WIPI2: variants seen among roughly 807,000 people sequenced by gnomAD.
WIPI2 encodes WD repeat domain, phosphoinositide interacting 2.
A neutral mutation model predicts 52.3 loss-of-function variants in WIPI2; 28 were observed. The ratio of observed to expected loss-of-function variants is 0.54; its 90% CI spans 0.40 to 0.73. The LOEUF (loss-of-function observed/expected upper bound fraction) is 0.73, where lower values mean the gene tolerates loss of function less well. Ranked by LOEUF, WIPI2 falls within the 30% of genes least tolerant of loss-of-function variation. The probability of loss-of-function intolerance (pLI) is 0.00; values close to 1 mark genes in which losing one functional copy is unlikely to be tolerated. For missense variants in WIPI2, 506 were observed against 602.9 expected (o/e 0.84, Z 1.68); for synonymous variants, 268 against 245.0 (o/e 1.09, Z -0.88).
chr7:5,190,367 C>A lies in WIPI2; in HGVS notation c.-53C>A, dbSNP rs932431860. 7.8e-7 allele frequency: 1 copy of A among 1,276,340 alleles called. No homozygotes were observed. Among genetic ancestry groups the A allele is most frequent in the East Asian group, 3.4e-5 (1 of 29,608 alleles). The allele number at this position is 1,276,340 out of a possible 1,614,324, so 79.1% of individuals were successfully genotyped here. ...CGCCGACCCTGAGTGCAGCCTGACC[C>A]GCCCTCGCGCGCGCGCCCTCCCCGG... On this transcript the variant is annotated 5_prime_UTR_variant, in exon 1 of 13. Transcript: ENST00000288828.
chr7:5,214,701 G>C lies in WIPI2; in HGVS notation c.378G>C (p.Arg126Ser). The change falls in exon 4 of 13, where the codon AGG (arginine) becomes AGC (serine). Residue 126 changes from arginine to serine, a missense_variant. This residue lies in a region of WIPI2 where 237 missense variants were observed against 346.9 expected (regional missense o/e 0.68). Transcript: ENST00000288828. Reference sequence around the variant, plus strand: ...CGATTCTGGCTGTGAAGCTCAACAGGCAGGTGAGCGCTGCCCCAGCTGGGT... The same window carrying C: ...CGATTCTGGCTGTGAAGCTCAACAGCCAGGTGAGCGCTGCCCCAGCTGGGT... The part of the protein sequence containing the change: ...SNTILAVKLN[R>S]QRLIVCLEES... The C allele has an allele frequency of 6.2e-7, 1 of 1,613,816 alleles. No homozygotes were observed. Among genetic ancestry groups the C allele is most frequent in the Non-Finnish European group, 8.5e-7 (1 of 1,180,032 alleles).
At chr7:5,219,218 G>A (rs906480376) in intron 7 of WIPI2, among the ~76,000 whole-genome samples, 1 of 150,464 alleles carries the variant, frequency 6.6e-6, no homozygotes, top group South Asian at 2.1e-4. Context: ...AGGTTAAGCG[G>A]TGTGCCCGGG....
chr7:5,204,516 T>C lies in WIPI2; in HGVS notation c.211+4858T>C, dbSNP rs1423451085. Among the ~76,000 whole-genome samples, 3 of 152,296 alleles carry C rather than the reference T, an allele frequency of 2.0e-5. No individual in the cohort carries two copies. The East Asian group carries it at 5.8e-4, about 29-fold the overall frequency. Reference sequence around the variant, plus strand: ...TGTAATAGAAAAATATTAGAGCATCTTGAAATAATACATTAGAAAAATGGC... The same window carrying C: ...TGTAATAGAAAAATATTAGAGCATCCTGAAATAATACATTAGAAAAATGGC... On this transcript the variant is annotated intron_variant, in intron 3 of 12. Transcript: ENST00000288828.
chr7:5,190,659 C>T (rs1562379897), intron 1 of WIPI2, 166 bp downstream of exon 1: 8 of 574,230 alleles, frequency 1.4e-5, no homozygotes, highest in Admixed American at 1.4e-4. Context: ...CAGGGAGGGG[C>T]GCCCTCCAGG....
At chr7:5,214,007 G>A (rs1382547835) in intron 3 of WIPI2, among the ~76,000 whole-genome samples, 1 of 152,164 alleles carries the variant, frequency 6.6e-6, no homozygotes, top group East Asian at 1.9e-4. Flanking sequence ...TTCTTAGAAC[G>A]TATGTCAGCG....
Position 5,232,513 on chromosome 7 carries a change from T to G in WIPI2, c.*1566T>G. Reference sequence around the variant, plus strand: ...TTGAACTTTTCCTTCAAAACCTGCTTGTCTGTCCTGGACCTTTGATGAAAT... The same window carrying G: ...TTGAACTTTTCCTTCAAAACCTGCTGGTCTGTCCTGGACCTTTGATGAAAT... On this transcript the variant is annotated 3_prime_UTR_variant, in exon 13 of 13. Coordinates refer to ENST00000288828, the MANE Select transcript of WIPI2 (RefSeq NM_015610.4). 2.5e-6 allele frequency: 1 copy of G among 394,410 alleles called. No homozygotes were observed. 24.4% of individuals were successfully genotyped at this position (394,410 alleles called of 1,614,324 possible). A position where few individuals can be genotyped will look rare whatever the true frequency, so the allele number is the denominator to read the frequency against.
At chr7:5,214,367 C>G in intron 3 of WIPI2, 168 bp from the exon 4 acceptor site, 5 of 1,594,278 alleles carry the variant, frequency 3.1e-6, no homozygotes, top group Non-Finnish European at 4.3e-6. Flanking sequence ...GAATCAAGAC[C>G]CTCAGACCCC....
chr7:5,199,130 G>A (rs946547346), intron 2 of WIPI2, among the ~76,000 whole-genome samples: 6 of 152,154 alleles, frequency 3.9e-5, no homozygotes, highest in African/African-American at 1.4e-4. Flanking sequence ...CTGGGCTCAA[G>A]CAATCCTCCC....
Position 5,231,052 on chromosome 7 carries a change from CAG to C in WIPI2, c.*109_*110del. On this transcript the variant is annotated 3_prime_UTR_variant, in exon 13 of 13. Coordinates refer to ENST00000288828, the MANE Select transcript of WIPI2 (RefSeq NM_015610.4). ...TGACCTGAGTCGGGGGAGAGGATGG[CAG>C]AGACTTTATTAAAAAAAAAAAAAGA... 1 of 812,154 alleles carries C rather than the reference CAG, an allele frequency of 1.2e-6. No individual in the cohort carries two copies. The highest frequency in any genetic ancestry group is 1.8e-6 in the Non-Finnish European group (1 of 555,122). 50.3% of individuals were successfully genotyped at this position (812,154 alleles called of 1,614,324 possible). A position where few individuals can be genotyped will look rare whatever the true frequency, so the allele number is the denominator to read the frequency against.
At chr7:5,196,471 T>C (rs894326172) in intron 2 of WIPI2, among the ~76,000 whole-genome samples, 2 of 152,242 alleles carry the variant, frequency 1.3e-5, no homozygotes, top group Non-Finnish European at 2.9e-5. Context: ...TGCACAGTTT[T>C]GTAAACTGTG....
Position 5,217,094 on chromosome 7 carries a change from G to A in WIPI2, c.483G>A (p.Leu161=). ...IRETPPNPAG[L]CALSINNDNC... is the part of the protein sequence containing the mutation. ...TCCTCCGTGTGTCATTTGCAGGCCT[G>A]TGTGCGCTGTCAATCAACAACGACA... is the stretch of plus-strand genomic sequence containing the variant. The change falls in exon 6 of 13, where the codon CTG becomes CTA. Residue 161 remains leucine, a synonymous_variant. Coordinates refer to ENST00000288828, the MANE Select transcript of WIPI2 (RefSeq NM_015610.4). The A allele has an allele frequency of 6.2e-7, 1 of 1,612,378 alleles. No homozygotes were observed. Among genetic ancestry groups the A allele is most frequent in the African/African-American group, 1.3e-5 (1 of 75,018 alleles).
rs930217978 is a variant in WIPI2, at chr7:5,198,127, C to T, written c.129-1449C>T. Among the ~76,000 whole-genome samples, 8 of 152,074 alleles carry T rather than the reference C, an allele frequency of 5.3e-5. No homozygotes were observed. The South Asian group carries it at 8.3e-4, about 16-fold the overall frequency. ...CCTCTGCTTTTTCCTTGTAAGCCAA[C>T]GACGGGGCCTTTGATTCCAGACTCT... On this transcript the variant is annotated intron_variant, in intron 2 of 12. Transcript: ENST00000288828.
In WIPI2 at chr7:5,227,120, G is replaced by A; in HGVS notation, c.849-60G>A. The stretch of plus-strand genomic sequence containing the variant: ...CAGAGCTGTGCGTCTGTGTGAGTAG[G>A]GGGTGGCCGTCCCCCCAGGGAGGGT... On this transcript the variant is annotated intron_variant, in intron 9 of 12. Transcript: ENST00000288828. This position sits in a 1 kb window ranked among gnomAD's most constrained non-coding sequence, Gnocchi z 8.1. 1 of 1,601,100 alleles carries A rather than the reference G, an allele frequency of 6.2e-7. No individual in the cohort carries two copies. The highest frequency in any genetic ancestry group is 1.7e-4 in the Middle Eastern group (1 of 5,982).
chr7:5,227,336 G>C lies in WIPI2; in HGVS notation c.1005G>C (p.Ser335=). The change falls in exon 10 of 13, where the codon TCG becomes TCC. Residue 335 remains serine (S), a synonymous_variant. Coordinates refer to ENST00000288828, the MANE Select transcript of WIPI2 (RefSeq NM_015610.4). The surrounding 1 kb of genome is among the most constrained non-coding windows in gnomAD (Gnocchi z 8.1). ...TCTGCGGCCACAAAAACATCTGCTC[G>C]CTAGCCACGTGAGTAGAGCCGGCGC... ...LPFCGHKNIC[S]LATIQKIPRL... is the part of the protein sequence containing the mutation. The C allele has an allele frequency of 6.2e-7, 1 of 1,613,202 alleles. No individual in the cohort carries two copies.
rs994189314 is a variant in WIPI2 at position 5,233,743 on chromosome 7, T to G, written c.*2796T>G. 3 of 152,220 alleles carry G rather than the reference T, an allele frequency of 2.0e-5. No individual in the cohort carries two copies. The highest frequency in any genetic ancestry group is 4.8e-5 in the African/African-American group (2 of 41,454). The allele number at this position is 152,220 out of a possible 1,614,324, so 9.4% of individuals were successfully genotyped here. On this transcript the variant is annotated 3_prime_UTR_variant, in exon 13 of 13. Transcript: ENST00000288828. Reference sequence around the variant, plus strand: ...TACCTCACAGGGCTGTTGTGAGGTGTTGTGTGACTGCGTGTCCTGCAAACG... The same window carrying G: ...TACCTCACAGGGCTGTTGTGAGGTGGTGTGTGACTGCGTGTCCTGCAAACG...
intron 3 of WIPI2, among the ~76,000 whole-genome samples, chr7:5,200,857 A>G (rs4526271): frequency 1.1e-4 from 17 of 152,082 alleles, no homozygotes; most frequent in Admixed American, 5.2e-4. Flanking sequence ...GCAAGTACCC[A>G]GGCCCTTTGC....
intron 3 of WIPI2, among the ~76,000 whole-genome samples, chr7:5,208,774 C>CA (rs1782415292): frequency 6.6e-6 from 1 of 152,064 alleles, no homozygotes. Flanking sequence ...ATCTATTTGT[C>CA]AGTCTTCAAC....
chr7:5,211,735 C>T (rs907369632), intron 3 of WIPI2, among the ~76,000 whole-genome samples: 1 of 152,152 alleles, frequency 6.6e-6, no homozygotes, highest in Admixed American at 6.5e-5. Flanking sequence ...TCCTATGTGT[C>T]CCAACCCTGA....
rs556919118 is a variant in WIPI2 at position 5,225,133 on chromosome 7, C to G, written c.741-690C>G. 2.8e-3 allele frequency among the ~76,000 whole-genome samples: 432 copies of G among 151,716 alleles called. 1 individual carries two copies. The highest frequency in any genetic ancestry group is 4.6e-3 in the Non-Finnish European group (311 of 67,886). ...CACTTTCCCTGTTGAAAGTTTTGCT[C>G]TGTCTTTTTTTTTTTTTAAATAATT... On this transcript the variant is annotated intron_variant, in intron 8 of 12. Coordinates refer to ENST00000288828, the MANE Select transcript of WIPI2 (RefSeq NM_015610.4).
Sources: gnomAD v4.1 joint callset for allele counts (sites outside exome capture counted in the v4.1 genomes callset) on GRCh38, gnomAD v4.1.1 for gene constraint, gnomAD v4.1.1 regional missense constraint, Gnocchi (gnomAD v3.1) non-coding constraint, MANE v1.5 for transcripts, NCBI Gene and HGNC (gene_info 2026-07-23, HGNC 2026-07-21) for gene names.